TRIM2: variants seen among roughly 807,000 people sequenced by gnomAD.
TRIM2 encodes the protein tripartite motif-containing protein 2.
In TRIM2, 20 loss-of-function variants were observed where a neutral mutation model predicts 75.2. That is an observed-to-expected ratio of 0.27 (90% CI 0.19 to 0.39). The LOEUF is 0.39. Ranked by LOEUF, TRIM2 falls within the 10% of genes least tolerant of loss-of-function variation. TRIM2 has a pLI of 1.00. For missense variants in TRIM2, 660 were observed against 990.8 expected (o/e 0.67, Z 4.48); for synonymous variants, 373 against 388.3 (o/e 0.96, Z 0.46).
At chr4:153,274,090 A>G (rs1009973931) in intron 2 of TRIM2, among the ~76,000 whole-genome samples, 5 of 152,222 alleles carry the variant, frequency 3.3e-5, no homozygotes, top group Admixed American at 3.3e-4. Context: ...ATGTTGCCAT[A>G]TATGGATTTT....
At chr4:153,204,877 A>G (rs911130411) in intron 1 of TRIM2, among the ~76,000 whole-genome samples, 1 of 152,122 alleles carries the variant, frequency 6.6e-6, no homozygotes, top group Admixed American at 6.6e-5. Flanking sequence ...TTATTTCCTA[A>G]CATAGGTAGT....
At position 153,188,748 on chromosome 4, in the gene TRIM2, AC is replaced by A. The variant is rs142888932; in HGVS notation, c.-49+35479del. Among the ~76,000 whole-genome samples, 460 of 151,660 alleles carry A rather than the reference AC, an allele frequency of 3.0e-3. 1 individual carries two copies. The highest frequency in any genetic ancestry group is 0.01 in the African/African-American group (430 of 41,364). ...GTTTGAGACCGGCCTTTCCCTGAAAACAAAAAAAAAAAAAGGAAGGATGAGG... is the reference window on the plus strand; with the variant it reads ...GTTTGAGACCGGCCTTTCCCTGAAAAAAAAAAAAAAAAAGGAAGGATGAGG... On this transcript the variant is annotated intron_variant, in intron 1 of 11. Coordinates refer to the TRIM2 transcript ENST00000437508.
chr4:153,293,315 T>G (rs572447336), intron 4 of TRIM2, among the ~76,000 whole-genome samples, 182 bp downstream of exon 4: 1 of 152,392 alleles, frequency 6.6e-6, no homozygotes, highest in Admixed American at 6.5e-5. Context: ...GGTTGTCTTC[T>G]GCCTGTTGGT....
chr4:153,315,729 T>G, intron 7 of TRIM2, 103 bp from the exon 8 acceptor site: 1 of 1,486,450 alleles, frequency 6.7e-7, no homozygotes, highest in East Asian at 2.3e-5. Context: ...AAATAGAGTT[T>G]GCGTGTTCTG....
intron 1 of TRIM2, among the ~76,000 whole-genome samples, chr4:153,163,495 C>CT (rs70949644): frequency 0.046 from 4,529 of 98,386 alleles, 467 homozygotes; most frequent in African/African-American, 0.17. Context: ...AGATTTACAT[C>CT]TTTTTTTTTT....
At chr4:153,308,443 G>A (rs1325389781) in intron 6 of TRIM2, 4 of 802,390 alleles carry the variant, frequency 5.0e-6, no homozygotes, top group African/African-American at 3.4e-5. Flanking sequence ...GCATCATACT[G>A]AGCAGGTGTC....
intron 1 of TRIM2, among the ~76,000 whole-genome samples, chr4:153,247,291 C>A (rs1749448142): frequency 6.6e-6 from 1 of 152,184 alleles, no homozygotes; most frequent in South Asian, 2.1e-4. Flanking sequence ...AGTAGCACTG[C>A]AGCCTCTCAG....
chr4:153,292,974 A>C lies in TRIM2; in HGVS notation c.454-8A>C. 1.2e-6 allele frequency: 2 copies of C among 1,602,464 alleles called. No individual in the cohort carries two copies. The highest frequency in any genetic ancestry group is 1.7e-6 in the Non-Finnish European group (2 of 1,172,798). On this transcript the variant is annotated splice_region_variant and splice_polypyrimidine_tract_variant and intron_variant, in intron 3 of 11. Transcript: ENST00000338700. ...CAGAACCAGGAACTTTTCTTGTGTC[A>C]TCCACAGGTGATGGAATTTTACTGC...
chr4:153,274,241 C>CA (rs1757530195), intron 2 of TRIM2, among the ~76,000 whole-genome samples: 3 of 151,962 alleles, frequency 2.0e-5, no homozygotes, highest in Non-Finnish European at 4.4e-5. Context: ...TTAGAGGGTA[C>CA]AAGGATGGTT....
chr4:153,173,715 C>T (rs1731115423), intron 1 of TRIM2, among the ~76,000 whole-genome samples: 1 of 151,816 alleles, frequency 6.6e-6, no homozygotes, highest in Non-Finnish European at 1.5e-5. Flanking sequence ...CACCTGCAAT[C>T]CCTGCACTTT....
intron 1 of TRIM2, among the ~76,000 whole-genome samples, chr4:153,262,652 A>G (rs1331912425): frequency 1.3e-5 from 2 of 152,210 alleles, no homozygotes; most frequent in Non-Finnish European, 2.9e-5. Flanking sequence ...TTACTGAACC[A>G]TAATTCTAAC....
At chr4:153,174,276 C>A (rs1382087071) in intron 1 of TRIM2, among the ~76,000 whole-genome samples, 2 of 151,736 alleles carry the variant, frequency 1.3e-5, no homozygotes, top group African/African-American at 2.4e-5. Flanking sequence ...GGTGGCCCCC[C>A]CTGAAAGTGT....
intron 1 of TRIM2, among the ~76,000 whole-genome samples, chr4:153,243,825 C>G (rs998131178): frequency 8.1e-5 from 10 of 123,952 alleles, no homozygotes; most frequent in East Asian, 2.5e-4. Context: ...TTTTCCCCCC[C>G]CCCTTGAGAC....
At chr4:153,172,141 ATTT>A (rs11418854) in intron 1 of TRIM2, among the ~76,000 whole-genome samples, 3 of 148,922 alleles carry the variant, frequency 2.0e-5, no homozygotes, top group African/African-American at 7.4e-5. Context: ...TATGATAGTA[ATTT>A]TTTTTTTTTT....
intron 1 of TRIM2, among the ~76,000 whole-genome samples, chr4:153,266,197 A>C (rs1755006918): frequency 6.6e-6 from 1 of 151,982 alleles, no homozygotes; most frequent in Non-Finnish European, 1.5e-5. Flanking sequence ...CCAGAGTCTC[A>C]CTCTGTGAGT....
intron 1 of TRIM2, among the ~76,000 whole-genome samples, chr4:153,240,339 T>C (rs1352478105): frequency 1.3e-5 from 2 of 152,212 alleles, no homozygotes; most frequent in Non-Finnish European, 2.9e-5. Context: ...AGACACAATA[T>C]CTTATTTGGT....
At chr4:153,298,207 C>T (rs1039779462) in intron 6 of TRIM2, among the ~76,000 whole-genome samples, 26 of 152,152 alleles carry the variant, frequency 1.7e-4, no homozygotes, top group Admixed American at 1.6e-3. Flanking sequence ...GCATGCAGCA[C>T]GATGTCTGAG....
chr4:153,329,954 C>T (rs1771100380), intron 11 of TRIM2, among the ~76,000 whole-genome samples: 1 of 151,796 alleles, frequency 6.6e-6, no homozygotes, highest in Non-Finnish European at 1.5e-5. Flanking sequence ...CCTAGCAAGA[C>T]TGACAAAGGA....
intron 1 of TRIM2, among the ~76,000 whole-genome samples, chr4:153,187,907 C>CTAT (rs1038366031): frequency 6.6e-6 from 1 of 152,192 alleles, no homozygotes; most frequent in African/African-American, 2.4e-5. Context: ...GCACAACGTC[C>CTAT]TATTATATCT....
Sources: allele counts gnomAD v4.1 joint callset (sites outside exome capture counted in the v4.1 genomes callset), GRCh38; gene constraint gnomAD v4.1.1; transcripts MANE v1.5; gene names NCBI Gene and HGNC (gene_info 2026-07-23, HGNC 2026-07-21).